The following ZFHX3 variants were observed in gnomAD, a reference collection of about 807,000 sequenced individuals.
The protein encoded by ZFHX3 is zinc finger homeobox 3.
Under a neutral mutation model 279.1 loss-of-function variants are expected in ZFHX3, and 42 were observed. That is an observed-to-expected ratio of 0.15 (90% confidence interval 0.12 to 0.19). The LOEUF (loss-of-function observed/expected upper bound fraction) is 0.19, where lower values mean the gene tolerates loss of function less well. Among genes scored for constraint, ZFHX3 ranks in the 10% least tolerant of loss-of-function variants. ZFHX3 has a pLI of 1.00. For synonymous variants in ZFHX3, 2,293 were observed against 1,957.8 expected (o/e 1.17, Z -4.52); for missense variants, 4,981 against 4,754.0 (o/e 1.05, Z -1.40).
At chr16:72,868,532 A>T (rs894327778) in intron 4 of ZFHX3, among the ~76,000 whole-genome samples, 3 of 152,222 alleles carry the variant, frequency 2.0e-5, no homozygotes, top group African/African-American at 7.2e-5. Context: ...AGATCAGGTG[A>T]CTTTGCCAGG....
At chr16:72,904,313 C>A (rs781418985) in intron 3 of ZFHX3, among the ~76,000 whole-genome samples, 3 of 151,356 alleles carry the variant, frequency 2.0e-5, no homozygotes, top group Non-Finnish European at 4.4e-5. Flanking sequence ...TCGCAGTGAG[C>A]CGAGATCACA....
At chr16:73,678,390 G>C (rs981558890) in intron 2 of ZFHX3, among the ~76,000 whole-genome samples, 1 of 152,064 alleles carries the variant, frequency 6.6e-6, no homozygotes, top group Admixed American at 6.6e-5. Flanking sequence ...ATACCTTAAA[G>C]AATATATACA....
chr16:73,748,742 C>A (rs933038356), intron 1 of ZFHX3, among the ~76,000 whole-genome samples: 14 of 152,270 alleles, frequency 9.2e-5, no homozygotes, highest in Admixed American at 5.9e-4. Context: ...GTGTCTTTGC[C>A]TAGTATAAAT....
intron 7 of ZFHX3, among the ~76,000 whole-genome samples, chr16:73,115,377 CAAAAAAA>C (rs10685277): frequency 2.2e-4 from 18 of 80,722 alleles, no homozygotes; most frequent in South Asian, 5.2e-4. Flanking sequence ...CCTATCTCTA[CAAAAAAA>C]AAAAAAAAAA....
rs147234440 is a variant in ZFHX3, at chr16:72,927,873, C to T, written c.3216+22596G>A. Among the ~76,000 whole-genome samples, 17 of 151,764 alleles carry T rather than the reference C, an allele frequency of 1.1e-4. No individual in the cohort carries two copies. In the East Asian group the frequency reaches 3.2e-3, roughly 28 times the overall value. ...AAAGGGGATACCACATGACATAATT[C>T]GCATTAAAATGTCAACAGGCTGACA... On this transcript the variant is annotated intron_variant, in intron 3 of 9. Transcript: ENST00000268489.
chr16:73,789,348 T>C (rs1409174275), intron 1 of ZFHX3, among the ~76,000 whole-genome samples: 1 of 151,924 alleles, frequency 6.6e-6, no homozygotes, highest in East Asian at 1.9e-4. Context: ...ACCCGGCTAA[T>C]TTTTTGCATT....
chr16:73,737,939 AC>A (rs1257954242), intron 1 of ZFHX3, among the ~76,000 whole-genome samples: 5 of 152,112 alleles, frequency 3.3e-5, no homozygotes, highest in Non-Finnish European at 5.9e-5. Context: ...GTGTAGAGGT[AC>A]TTTTTAGCAG....
At chr16:73,029,268 C>T (rs1964614678) in intron 1 of ZFHX3, among the ~76,000 whole-genome samples, 2 of 152,184 alleles carry the variant, frequency 1.3e-5, no homozygotes, top group Non-Finnish European at 2.9e-5. Context: ...ACCACACTGG[C>T]GTGTTTCCCA....
chr16:73,285,572 C>T (rs1392878209), intron 4 of ZFHX3, among the ~76,000 whole-genome samples: 2 of 152,218 alleles, frequency 1.3e-5, no homozygotes, highest in African/African-American at 4.8e-5. Flanking sequence ...GGCTCTGCCT[C>T]ATGTACTAAT....
chr16:73,778,331 T>C (rs75374398), intron 1 of ZFHX3, among the ~76,000 whole-genome samples: 5,899 of 151,112 alleles, frequency 0.039, 176 homozygotes, highest in East Asian at 0.11. Context: ...CATTTGGGCA[T>C]TTATTCATTT....
At chr16:73,374,049 T>G (rs2016679448) in intron 3 of ZFHX3, among the ~76,000 whole-genome samples, 1 of 152,166 alleles carries the variant, frequency 6.6e-6, no homozygotes, top group South Asian at 2.1e-4. Flanking sequence ...GCGGCAGATT[T>G]GCCAGATCCT....
At chr16:73,469,835 C>T (rs1306156589) in intron 2 of ZFHX3, among the ~76,000 whole-genome samples, 1 of 152,118 alleles carries the variant, frequency 6.6e-6, no homozygotes, top group Non-Finnish European at 1.5e-5. Flanking sequence ...TCAGCCTGGT[C>T]TCGAACTCCT....
chr16:73,440,518 C>T (rs2018073149), intron 3 of ZFHX3, among the ~76,000 whole-genome samples: 1 of 152,172 alleles, frequency 6.6e-6, no homozygotes, highest in Non-Finnish European at 1.5e-5. Flanking sequence ...TCTCCAGAAG[C>T]TCCGACTTTG....
chr16:72,797,033 T>C lies in ZFHX3; in HGVS notation c.5649A>G (p.Lys1883=). ...HPEKKNKLVI[K]EKEKESQRER... The stretch of plus-strand genomic sequence containing the variant: ...CTCTCTGGCTTTCTTTTTCCTTTTC[T>C]TTGATGACCAATTTGTTCTTCTTTT... Residue 1883 remains lysine, a synonymous_variant, in exon 9 of 10, where the codon AAA becomes AAG. Coordinates refer to ENST00000268489, the MANE Select transcript of ZFHX3 (RefSeq NM_006885.4). 1 of 1,614,130 alleles carries C rather than the reference T, an allele frequency of 6.2e-7. No individual in the cohort carries two copies. Among genetic ancestry groups the C allele is most frequent in the Non-Finnish European group, 8.5e-7 (1 of 1,180,016 alleles).
intron 3 of ZFHX3, among the ~76,000 whole-genome samples, chr16:73,363,193 T>C (rs921838099): frequency 1.3e-5 from 2 of 152,200 alleles, no homozygotes; most frequent in African/African-American, 2.4e-5. Context: ...CCAGCCGTGA[T>C]TGACTGAGCC....
intron 1 of ZFHX3, among the ~76,000 whole-genome samples, chr16:73,834,782 T>C (rs1645573762): frequency 6.6e-6 from 1 of 152,192 alleles, no homozygotes; most frequent in Admixed American, 6.5e-5. Context: ...TCCCAGCTAC[T>C]CATGTCACTG....
At chr16:73,488,165 CA>C (rs1426054127) in intron 2 of ZFHX3, among the ~76,000 whole-genome samples, 6 of 152,162 alleles carry the variant, frequency 3.9e-5, no homozygotes, top group Non-Finnish European at 8.8e-5. Flanking sequence ...TTTGAGAGAA[CA>C]AATTTGCTCC....
At chr16:73,729,516 G>GAATA (rs1476124202) in intron 1 of ZFHX3, among the ~76,000 whole-genome samples, 1 of 150,320 alleles carries the variant, frequency 6.7e-6, no homozygotes, top group Non-Finnish European at 1.5e-5. Flanking sequence ...GCAACAGAAT[G>GAATA]AGACTCCATC....
At chr16:73,336,592 A>G (rs1443083811) in intron 3 of ZFHX3, among the ~76,000 whole-genome samples, 1 of 152,064 alleles carries the variant, frequency 6.6e-6, no homozygotes, top group Non-Finnish European at 1.5e-5. Context: ...ACTGTGTAGT[A>G]GTTCATGGTG....
Sources: gnomAD v4.1 joint callset for allele counts (sites outside exome capture counted in the v4.1 genomes callset) on GRCh38, gnomAD v4.1.1 for gene constraint, MANE v1.5 for transcripts, NCBI Gene and HGNC (gene_info 2026-07-23, HGNC 2026-07-21) for gene names.